The following ZNF19 variants were observed in gnomAD, a reference collection of about 807,000 sequenced individuals.
The protein encoded by ZNF19 is zinc finger protein 19 (KOX 12).
A neutral mutation model predicts 13.1 loss-of-function variants in ZNF19; 11 were observed. The ratio of observed to expected loss-of-function variants is 0.84; its 90% confidence interval spans 0.53 to 1.39. The LOEUF is 1.39. Among genes scored for constraint, ZNF19 ranks in the 40% most tolerant of loss-of-function variants. The pLI is 0.00. For missense variants in ZNF19, 560 were observed against 547.0 expected (o/e 1.02, Z -0.24); for synonymous variants, 186 against 187.0 (o/e 0.99, Z 0.04).
chr16:71,481,963 G>T, intron 3 of ZNF19, 119 bp downstream of exon 3: 1 of 1,029,456 alleles, frequency 9.7e-7, no homozygotes, highest in South Asian at 1.4e-5. Flanking sequence ...CCTACTGGAG[G>T]GAATCAGCAG....
chr16:71,475,837 C>T lies in ZNF19; in HGVS notation c.710G>A (p.Arg237Lys), dbSNP rs754155369. 11 of 1,614,076 alleles carry T rather than the reference C, an allele frequency of 6.8e-6. No individual in the cohort carries two copies. Among genetic ancestry groups the T allele is most frequent in the Non-Finnish European group, 8.5e-6 (10 of 1,180,010 alleles). The change falls in exon 6 of 6, where the codon AGA (arginine) becomes AAA (lysine). Residue 237 changes from arginine to lysine, a missense_variant. Arg to Lys is a conservative substitution (Grantham distance 26). Coordinates refer to ENST00000288177, the MANE Select transcript of ZNF19 (RefSeq NM_006961.4). ...NDNANLIRHQRIHSGDRPYYC... is the reference protein window; with the variant it reads ...NDNANLIRHQKIHSGDRPYYC... ...ATAGGGTCTGTCCCCACTGTGGATT[C>T]TCTGATGCCTGATCAGATTTGCATT...
At chr16:71,477,228 T>C (rs1032402131) in intron 5 of ZNF19, among the ~76,000 whole-genome samples, 2 of 152,228 alleles carry the variant, frequency 1.3e-5, no homozygotes, top group African/African-American at 4.8e-5. Context: ...AAGGAGAATG[T>C]TCAGAGGAGA....
chr16:71,486,075 G>C (rs1336694309), intron 1 of ZNF19, among the ~76,000 whole-genome samples: 3 of 152,006 alleles, frequency 2.0e-5, no homozygotes, highest in African/African-American at 7.3e-5. Context: ...TAGGCACAGT[G>C]GCTCACATCT....
rs370482694 is a variant in ZNF19, at chr16:71,482,064, C to T, written c.33+18G>A. On this transcript the variant is annotated intron_variant, in intron 3 of 5. Transcript: ENST00000288177. ...ACTCAGACCTCCATAGAGCTGACCTCAGGGATCCACAGCTCACCTGGTATT... is the reference window on the plus strand; with the variant it reads ...ACTCAGACCTCCATAGAGCTGACCTTAGGGATCCACAGCTCACCTGGTATT... The T allele has an allele frequency of 1.2e-5, 19 of 1,613,954 alleles. No individual in the cohort carries two copies. The African/African-American group carries it at 1.2e-4, about 10-fold the overall frequency.
intron 1 of ZNF19, among the ~76,000 whole-genome samples, chr16:71,486,510 AAGG>A (rs1324343073): frequency 6.6e-6 from 1 of 152,220 alleles, no homozygotes; most frequent in Non-Finnish European, 1.5e-5. Context: ...AAGATGGAGG[AAGG>A]GGCCAAGGGT....
In ZNF19 at chr16:71,475,321, C is replaced by T. The variant is rs1450311901; in HGVS notation, c.1226G>A (p.Gly409Glu). Residue 409 changes from glycine to glutamate, a missense_variant, in exon 6 of 6, where the codon GGA (glycine) becomes GAA (glutamate). Coordinates refer to ENST00000288177, the MANE Select transcript of ZNF19 (RefSeq NM_006961.4). ...NLHQHQRIHT[G>E]EKPYECSKYE... is the part of the protein sequence containing the mutation. The stretch of plus-strand genomic sequence containing the variant: ...CTTGCTACACTCATAGGGTTTCTCT[C>T]CAGTATGGATTCTTTGATGCTGATG... 1 of 1,614,198 alleles carries T rather than the reference C, an allele frequency of 6.2e-7. No homozygotes were observed. The highest frequency in any genetic ancestry group is 1.3e-5 in the African/African-American group (1 of 75,054).
Position 71,475,206 on chromosome 16 carries a change from A to T in ZNF19, c.1341T>A (p.Phe447Leu), listed in dbSNP as rs1480167378. 6.2e-7 allele frequency: 1 copy of T among 1,612,376 alleles called. No individual in the cohort carries two copies. The change falls in exon 6 of 6, where the codon TTT becomes TTA. Residue 447 changes from phenylalanine (F) to leucine (L), a missense_variant. Transcript: ENST00000288177. ...GEKPVLDICRFGLPEFFTPFY... is the reference protein window; with the variant it reads ...GEKPVLDICRLGLPEFFTPFY... ...AGGGGGTAAAAAATTCTGGGAGGCC[A>T]AAACGACAAATGTCCAGCACAGGCT...
chr16:71,482,258 T>C, intron 2 of ZNF19, 115 bp from the exon 3 acceptor site: 1 of 842,536 alleles, frequency 1.2e-6, no homozygotes, highest in Middle Eastern at 2.3e-4. Flanking sequence ...CTCACTGGGT[T>C]AGTGGTGCAT....
chr16:71,482,035 T>C (rs777272888), intron 3 of ZNF19, 47 bp downstream of exon 3: 2 of 1,606,794 alleles, frequency 1.2e-6, no homozygotes, highest in Admixed American at 1.7e-5. Flanking sequence ...CCTCATTTCC[T>C]TCAACTCAGA....
At chr16:71,476,765 C>G (rs1489207749) in intron 5 of ZNF19, among the ~76,000 whole-genome samples, 1 of 152,208 alleles carries the variant, frequency 6.6e-6, no homozygotes, top group Non-Finnish European at 1.5e-5. Context: ...ATTACAGACA[C>G]TGGGTTGTGG....
intron 2 of ZNF19, among the ~76,000 whole-genome samples, chr16:71,482,759 T>G (rs540207248): frequency 6.6e-6 from 1 of 152,294 alleles, no homozygotes; most frequent in Non-Finnish European, 1.5e-5. Context: ...TGGAGTGCAA[T>G]GGCGTGATCT....
intron 5 of ZNF19, among the ~76,000 whole-genome samples, chr16:71,477,075 G>A (rs1287008322): frequency 6.6e-6 from 1 of 152,218 alleles, no homozygotes; most frequent in Non-Finnish European, 1.5e-5. Context: ...AAGATTGGAT[G>A]ACATTTTAAA....
rs1270160919 is a variant in ZNF19, at chr16:71,482,085, G to A, written c.30C>T (p.Tyr10=). MAAMPLKAQ[Y]QEMVTFEDVA... ...ACCTCAGGGATCCACAGCTCACCTGGTATTGAGCTTTCAGAGGCATGGCTG... is the reference window on the plus strand; with the variant it reads ...ACCTCAGGGATCCACAGCTCACCTGATATTGAGCTTTCAGAGGCATGGCTG... Residue 10 remains tyrosine (Y), a synonymous_variant, in exon 3 of 6, where the codon TAC becomes TAT. Coordinates refer to ENST00000288177, the MANE Select transcript of ZNF19 (RefSeq NM_006961.4). 3 of 1,613,984 alleles carry A rather than the reference G, an allele frequency of 1.9e-6. No individual in the cohort carries two copies. Among genetic ancestry groups the A allele is most frequent in the Non-Finnish European group, 2.5e-6 (3 of 1,179,972 alleles).
intron 1 of ZNF19, among the ~76,000 whole-genome samples, chr16:71,485,158 CA>C (rs1240879069): frequency 6.6e-6 from 1 of 152,046 alleles, no homozygotes; most frequent in Non-Finnish European, 1.5e-5. Flanking sequence ...TAAGAAAGAC[CA>C]GGTCAGCAGG....
chr16:71,486,880 C>T (rs536966811), intron 1 of ZNF19, among the ~76,000 whole-genome samples: 6 of 152,102 alleles, frequency 3.9e-5, no homozygotes, highest in African/African-American at 4.8e-5. Context: ...CATGGGAACC[C>T]GTATGTTTAC....
In ZNF19 at chr16:71,475,740, C is replaced by T; in HGVS notation, c.807G>A (p.Gly269=). The T allele has an allele frequency of 6.2e-7, 1 of 1,613,918 alleles. No individual in the cohort carries two copies. Among genetic ancestry groups the T allele is most frequent in the Non-Finnish European group, 8.5e-7 (1 of 1,179,918 alleles). The change falls in exon 6 of 6, where the codon GGG becomes GGA. Residue 269 remains glycine (G), a synonymous_variant. Coordinates refer to ENST00000288177, the MANE Select transcript of ZNF19 (RefSeq NM_006961.4). The part of the protein sequence containing the change: ...EFVIHQRIHT[G]EKPYECNECG... Reference sequence around the variant, plus strand: ...ACTCATTACACTCATAGGGTTTCTCCCCAGTGTGGATTCTCTGATGTATAA... The same window carrying T: ...ACTCATTACACTCATAGGGTTTCTCTCCAGTGTGGATTCTCTGATGTATAA...
At chr16:71,479,228 A>C (rs2043622053) in intron 3 of ZNF19, 2 of 568,172 alleles carry the variant, frequency 3.5e-6, no homozygotes, top group East Asian at 6.1e-5. Flanking sequence ...TATAAAATTG[A>C]CTGTCATAAA....
At chr16:71,483,401 G>A (rs1350375570) in intron 2 of ZNF19, among the ~76,000 whole-genome samples, 3 of 152,156 alleles carry the variant, frequency 2.0e-5, no homozygotes, top group Admixed American at 6.6e-5. Flanking sequence ...ATCTTGTGCC[G>A]CCACCCTCTT....
intron 3 of ZNF19, among the ~76,000 whole-genome samples, chr16:71,480,630 T>G (rs767351086): frequency 2.2e-4 from 33 of 152,216 alleles, no homozygotes; most frequent in Admixed American, 7.2e-4. Context: ...ACACTTTAGC[T>G]CTACTTCCAG....
Sources: gnomAD v4.1 joint callset for allele counts (sites outside exome capture counted in the v4.1 genomes callset) on GRCh38, gnomAD v4.1.1 for gene constraint, MANE v1.5 for transcripts, NCBI Gene and HGNC (gene_info 2026-07-23, HGNC 2026-07-21) for gene names.